HSD17B12: variants seen among roughly 807,000 people sequenced by gnomAD.
The protein encoded by HSD17B12 is very-long-chain 3-oxoacyl-CoA reductase.
HSD17B12 carries 32 observed loss-of-function variants against 39.3 expected under a neutral mutation model. The ratio of observed to expected loss-of-function variants is 0.81; its 90% confidence interval spans 0.61 to 1.09. HSD17B12 has a LOEUF of 1.09. Ranked by LOEUF, HSD17B12 falls within the 50% of genes least tolerant of loss-of-function variation. The pLI is 0.00. For missense variants in HSD17B12, 342 were observed against 382.9 expected (o/e 0.89, Z 0.89); for synonymous variants, 150 against 146.7 (o/e 1.02, Z -0.16).
chr11:43,714,098 C>A (rs1455839678), intron 1 of HSD17B12, among the ~76,000 whole-genome samples: 1 of 152,156 alleles, frequency 6.6e-6, no homozygotes, highest in Non-Finnish European at 1.5e-5. Context: ...ATGGTAGTTT[C>A]TTTTGCTGTG....
the HSD17B12 span, chr11:43,579,410 T>A: frequency 1.3e-5 from 2 of 151,844 alleles, no homozygotes; most frequent in Admixed American, 1.3e-4. Context: ...CAAACACCCG[T>A]GGGGGGCGGG....
intron 4 of HSD17B12, among the ~76,000 whole-genome samples, chr11:43,800,358 T>A (rs1950954882): frequency 6.6e-6 from 1 of 152,254 alleles, no homozygotes; most frequent in African/African-American, 2.4e-5. Context: ...TCTTAGAGAA[T>A]GACTTACTTT....
intron 3 of HSD17B12, among the ~76,000 whole-genome samples, chr11:43,780,878 T>G (rs1222589343): frequency 6.6e-6 from 1 of 152,190 alleles, no homozygotes. Context: ...TTATGATTTG[T>G]TTTACATACT....
chr11:43,757,658 A>AAAAAAAAC (rs1950521399), intron 3 of HSD17B12, among the ~76,000 whole-genome samples: 1 of 144,004 alleles, frequency 6.9e-6, no homozygotes, highest in Non-Finnish European at 1.5e-5. Context: ...AAAAAAAAAA[A>AAAAAAAAC]AAAAAAAAAC....
chr11:43,558,933 G>T, the HSD17B12 span, among the ~76,000 whole-genome samples: 1 of 152,108 alleles, frequency 6.6e-6, no homozygotes, highest in Non-Finnish European at 1.5e-5. Flanking sequence ...AATGGGAAGT[G>T]AAATGTTGGT....
chr11:43,638,585 A>C, the HSD17B12 span, among the ~76,000 whole-genome samples: 1 of 152,156 alleles, frequency 6.6e-6, no homozygotes, highest in African/African-American at 2.4e-5. Context: ...CGGAAAGGGA[A>C]GTTTGGGGGA....
chr11:43,705,286 C>A (rs1950002788), intron 1 of HSD17B12, among the ~76,000 whole-genome samples: 1 of 152,146 alleles, frequency 6.6e-6, no homozygotes. Context: ...CTTTATAAAA[C>A]CAAAGAGTAG....
At chr11:43,778,879 A>C (rs551365456) in intron 3 of HSD17B12, among the ~76,000 whole-genome samples, 1 of 152,362 alleles carries the variant, frequency 6.6e-6, no homozygotes, top group Admixed American at 6.5e-5. Context: ...AGTTTATTAA[A>C]AAGTAATATA....
At chr11:43,790,529 C>T (rs1299828596) in intron 3 of HSD17B12, among the ~76,000 whole-genome samples, 5 of 152,108 alleles carry the variant, frequency 3.3e-5, no homozygotes, top group Non-Finnish European at 5.9e-5. Flanking sequence ...ACCCTATATA[C>T]CTATATGTGC....
intron 3 of HSD17B12, among the ~76,000 whole-genome samples, chr11:43,783,245 A>G (rs959161952): frequency 6.6e-6 from 1 of 152,212 alleles, no homozygotes; most frequent in Non-Finnish European, 1.5e-5. Flanking sequence ...GTAATTATTC[A>G]TCAATAGTAA....
intron 3 of HSD17B12, among the ~76,000 whole-genome samples, chr11:43,766,890 A>T (rs772950115): frequency 2.0e-5 from 3 of 152,182 alleles, no homozygotes; most frequent in Non-Finnish European, 4.4e-5. Flanking sequence ...TTTCAACTTC[A>T]TTACTGTTTG....
chr11:43,838,298 G>C lies in HSD17B12; in HGVS notation c.537-19G>C. On this transcript the variant is annotated intron_variant, in intron 7 of 10. Coordinates refer to ENST00000278353, the MANE Select transcript of HSD17B12 (RefSeq NM_016142.3). ...TACTGTGGCTTCACTCCTTTTACAC[G>C]GTACATTTTCCTTTTTAGATCCAAA... 4.4e-6 allele frequency: 7 copies of C among 1,574,860 alleles called. No individual in the cohort carries two copies. The Middle Eastern group carries it at 5.0e-4, about 113-fold the overall frequency.
chr11:43,800,010 G>A (rs1457679439), intron 4 of HSD17B12, among the ~76,000 whole-genome samples: 2 of 152,156 alleles, frequency 1.3e-5, no homozygotes, highest in African/African-American at 4.8e-5. Flanking sequence ...CTTTGTGTTT[G>A]CATGTTCTTA....
At position 43,723,615 on chromosome 11, in the gene HSD17B12, A is replaced by G. The variant is rs140374547; in HGVS notation, c.161-27296A>G. ...ATGAAAATCATTACACTTAAATTCA[A>G]TGTATATTATATAGAGAACATAACT... On this transcript the variant is annotated intron_variant, in intron 1 of 10. Coordinates refer to ENST00000278353, the MANE Select transcript of HSD17B12 (RefSeq NM_016142.3). 4.9e-3 allele frequency among the ~76,000 whole-genome samples: 751 copies of G among 152,296 alleles called. 6 individuals are homozygous for G. The highest frequency in any genetic ancestry group is 7.2e-3 in the Non-Finnish European group (490 of 68,022).
upstream of HSD17B12, among the ~76,000 whole-genome samples, chr11:43,679,222 T>C (rs1949718681): frequency 6.6e-6 from 1 of 152,180 alleles, no homozygotes; most frequent in Admixed American, 6.5e-5. Flanking sequence ...TCAGTCATGA[T>C]TTGGCTCTCT....
intron 3 of HSD17B12, among the ~76,000 whole-genome samples, chr11:43,757,182 A>C (rs1259573820): frequency 6.6e-6 from 1 of 152,220 alleles, no homozygotes; most frequent in Non-Finnish European, 1.5e-5. Flanking sequence ...TAATATTGTC[A>C]AAGACAGACT....
chr11:43,695,938 C>T (rs1949907640), intron 1 of HSD17B12, among the ~76,000 whole-genome samples: 1 of 152,118 alleles, frequency 6.6e-6, no homozygotes, highest in Non-Finnish European at 1.5e-5. Context: ...CATATTATTT[C>T]ATCACCGAGG....
chr11:43,753,951 C>T, intron 2 of HSD17B12, 95 bp from the exon 3 acceptor site: 4 of 700,032 alleles, frequency 5.7e-6, no homozygotes, highest in Non-Finnish European at 9.7e-6. Flanking sequence ...TTTGAACTAT[C>T]ATCTGGACAG....
chr11:43,818,701 G>T (rs1951153270), intron 6 of HSD17B12, among the ~76,000 whole-genome samples: 1 of 152,100 alleles, frequency 6.6e-6, no homozygotes, highest in Non-Finnish European at 1.5e-5. Context: ...CTAATTATAA[G>T]TGGACCTGTG....
Sources: allele counts gnomAD v4.1 joint callset (sites outside exome capture counted in the v4.1 genomes callset), GRCh38; gene constraint gnomAD v4.1.1; transcripts MANE v1.5; gene names NCBI Gene and HGNC (gene_info 2026-07-23, HGNC 2026-07-21).